Variants in ALPK2 observed in about 807,000 individuals in gnomAD.
ALPK2 encodes the protein alpha-protein kinase 2.
A neutral mutation model predicts 163.1 loss-of-function variants in ALPK2; 127 were observed. The observed-to-expected ratio is 0.78, with a 90% CI of 0.67 to 0.90. ALPK2 has a LOEUF of 0.90. Ranked by LOEUF, ALPK2 falls within the 40% of genes least tolerant of loss-of-function variation. ALPK2 has a pLI of 0.00. For synonymous variants in ALPK2, 953 were observed against 959.1 expected (o/e 0.99, Z 0.12); for missense variants, 2,360 against 2,589.6 (o/e 0.91, Z 1.92).
chr18:58,627,080 C>T (rs755684520), intron 1 of ALPK2, among the ~76,000 whole-genome samples: 1 of 152,108 alleles, frequency 6.6e-6, no homozygotes, highest in Non-Finnish European at 1.5e-5. Flanking sequence ...AATTAGGAGT[C>T]GATTCCAAAT....
intron 3 of ALPK2, among the ~76,000 whole-genome samples, chr18:58,595,960 C>T (rs754114824): frequency 6.6e-5 from 10 of 152,116 alleles, no homozygotes; most frequent in South Asian, 2.1e-4. Flanking sequence ...GTGACTCCAA[C>T]GTTTCCATCA....
intron 1 of ALPK2, among the ~76,000 whole-genome samples, chr18:58,616,232 T>C (rs2052167402): frequency 6.6e-6 from 1 of 152,180 alleles, no homozygotes; most frequent in African/African-American, 2.4e-5. Context: ...TTTATTGGTT[T>C]CCATCCACAG....
At chr18:58,623,238 G>A (rs1483000172) in intron 1 of ALPK2, among the ~76,000 whole-genome samples, 1 of 150,814 alleles carries the variant, frequency 6.6e-6, no homozygotes, top group Admixed American at 6.6e-5. Flanking sequence ...CTTATTTCCA[G>A]AAGATTTTTT....
intron 3 of ALPK2, among the ~76,000 whole-genome samples, chr18:58,595,176 C>A (rs958522881): frequency 6.6e-6 from 1 of 152,174 alleles, no homozygotes; most frequent in Non-Finnish European, 1.5e-5. Context: ...GCTCAGAGCC[C>A]CTCACCAGAG....
intron 4 of ALPK2, among the ~76,000 whole-genome samples, chr18:58,575,931 C>T (rs2051919144): frequency 6.6e-6 from 1 of 152,118 alleles, no homozygotes; most frequent in African/African-American, 2.4e-5. Flanking sequence ...TACAATATGG[C>T]CTTGTTCTTA....
chr18:58,510,088 C>T (rs1250410085), intron 10 of ALPK2, among the ~76,000 whole-genome samples: 2 of 152,214 alleles, frequency 1.3e-5, no homozygotes, highest in East Asian at 1.9e-4. Context: ...GATCCAGTTT[C>T]AGCTTTCTGC....
Position 58,535,668 on chromosome 18 carries a change from C to A in ALPK2, c.4519G>T (p.Gly1507Ter). ...PSEGGERIPS[G>*]CSIGQIQESS... ...TCTTGTATTTGGCCTATGCTACATC[C>A]ACTTGGAATTCTTTCACCGCCTTCG... is the stretch of plus-strand genomic sequence containing the variant. The change falls in exon 5 of 13, where the codon GGA becomes TGA. Residue 1507 changes from glycine (G) to a stop codon, truncating the protein, a stop_gained. Coordinates refer to ENST00000361673, the MANE Select transcript of ALPK2 (RefSeq NM_052947.4). LOFTEE classifies it high-confidence loss of function. 6.2e-7 allele frequency: 1 copy of A among 1,614,254 alleles called. No individual in the cohort carries two copies.
chr18:58,547,663 C>T (rs112232747), intron 4 of ALPK2, among the ~76,000 whole-genome samples: 267 of 152,326 alleles, frequency 1.8e-3, no homozygotes, highest in African/African-American at 6.3e-3. Context: ...CTTTGAAGAG[C>T]CAAGAAAAGT....
At chr18:58,571,685 A>G (rs956539064) in intron 4 of ALPK2, among the ~76,000 whole-genome samples, 1 of 152,166 alleles carries the variant, frequency 6.6e-6, no homozygotes, top group Non-Finnish European at 1.5e-5. Context: ...GCCCACGTAA[A>G]GAAGATAAAA....
chr18:58,590,794 A>T (rs2052011124), intron 3 of ALPK2, among the ~76,000 whole-genome samples: 1 of 152,202 alleles, frequency 6.6e-6, no homozygotes. Flanking sequence ...TCAGTTATTT[A>T]TTCAACAGAT....
chr18:58,607,568 GA>G (rs2052105204), intron 2 of ALPK2, 129 bp from the exon 3 acceptor site: 1 of 599,056 alleles, frequency 1.7e-6, no homozygotes, highest in South Asian at 2.3e-5. Context: ...TACGTTAGGT[GA>G]GGAATTGAAA....
intron 3 of ALPK2, among the ~76,000 whole-genome samples, chr18:58,585,646 A>G (rs998224253): frequency 1.1e-4 from 17 of 150,306 alleles, no homozygotes; most frequent in Non-Finnish European, 2.4e-4. Context: ...TGAACTTTCC[A>G]TACTTGTTAT....
rs754421548 is a variant in ALPK2, at chr18:58,529,023, T to A, written c.5501+68A>T. The A allele has an allele frequency of 3.8e-6, 6 of 1,592,142 alleles. No individual in the cohort carries two copies. In the South Asian group the frequency reaches 5.6e-5, roughly 15 times the overall value. ...CGTCCTATAATTTATTCTTTTTTCT[T>A]TTTTACAACCATGTTGTGAAATAAA... On this transcript the variant is annotated intron_variant, in intron 6 of 12. Transcript: ENST00000361673.
chr18:58,578,358 A>T (rs1278696442), intron 4 of ALPK2: 1 of 155,542 alleles, frequency 6.4e-6, no homozygotes, highest in Non-Finnish European at 1.4e-5. Context: ...TAAAGCCAAG[A>T]CCTATCATTT....
Position 58,535,539 on chromosome 18 carries a change from G to T in ALPK2, c.4648C>A (p.His1550Asn). ...PLSSCLPIMT[H>N]ASLGVDTHNS... ...TGCGTGTCAACCCCAAGAGAAGCGT[G>T]AGTCATTATTGGAAGACAACTAGAA... Residue 1550 changes from histidine (H) to asparagine (N), a missense_variant, in exon 5 of 13, where the codon CAC becomes AAC. Coordinates refer to ENST00000361673, the MANE Select transcript of ALPK2 (RefSeq NM_052947.4). The T allele has an allele frequency of 6.2e-7, 1 of 1,614,172 alleles. No individual in the cohort carries two copies. Among genetic ancestry groups the T allele is most frequent in the Non-Finnish European group, 8.5e-7 (1 of 1,180,008 alleles).
intron 4 of ALPK2, among the ~76,000 whole-genome samples, chr18:58,573,574 C>A (rs1191073872): frequency 7.0e-6 from 1 of 142,716 alleles, no homozygotes; most frequent in East Asian, 2.1e-4. Flanking sequence ...GGAACTCTGC[C>A]AACACTTTTA....
At chr18:58,613,233 T>A (rs2052143601) in intron 1 of ALPK2, among the ~76,000 whole-genome samples, 2 of 151,668 alleles carry the variant, frequency 1.3e-5, no homozygotes, top group South Asian at 4.2e-4. Flanking sequence ...CAGAAGTGAG[T>A]AGAGGGAAAA....
rs142861904 is a variant in ALPK2, at chr18:58,531,003, C to T, written c.5354-1765G>A. Among the ~76,000 whole-genome samples, 178 of 152,070 alleles carry T rather than the reference C, an allele frequency of 1.2e-3. 1 individual carries two copies. The highest frequency in any genetic ancestry group is 2.9e-3 in the Admixed American group (44 of 15,284). ...GTCACCTGAGGCCAGGAGTTGGAGA[C>T]CAGCCTGGGCAACATAGCAAGATCC... On this transcript the variant is annotated intron_variant, in intron 5 of 12. Coordinates refer to ENST00000361673, the MANE Select transcript of ALPK2 (RefSeq NM_052947.4).
At chr18:58,518,487 C>T (rs986143716) in intron 8 of ALPK2, among the ~76,000 whole-genome samples, 3 of 152,144 alleles carry the variant, frequency 2.0e-5, no homozygotes, top group Non-Finnish European at 4.4e-5. Context: ...CTATGGGACC[C>T]CTGAATATGC....
Sources: gnomAD v4.1 joint callset for allele counts (sites outside exome capture counted in the v4.1 genomes callset) on GRCh38, gnomAD v4.1.1 for gene constraint, MANE v1.5 for transcripts, NCBI Gene and HGNC (gene_info 2026-07-23, HGNC 2026-07-21) for gene names.